Variants in CLEC12B observed in about 807,000 individuals in gnomAD.
The protein encoded by CLEC12B is C-type lectin domain family 12 member B, also known as macrophage antigen h.
CLEC12B carries 25 observed loss-of-function variants against 36.1 expected under a neutral mutation model. That is an observed-to-expected ratio of 0.69 (90% CI 0.50 to 0.97). CLEC12B has a LOEUF of 0.97. Among genes scored for constraint, CLEC12B ranks in the 50% least tolerant of loss-of-function variants. The probability of loss-of-function intolerance (pLI) is 0.00; values close to 1 mark genes in which losing one functional copy is unlikely to be tolerated. For synonymous variants in CLEC12B, 110 were observed against 108.5 expected (o/e 1.01, Z -0.09); for missense variants, 325 against 318.4 (o/e 1.02, Z -0.16).
intron 5 of CLEC12B, chr12:10,016,977 A>G: frequency 5.1e-6 from 5 of 978,500 alleles, no homozygotes; most frequent in Non-Finnish European, 6.0e-6. Context: ...TCTTTAAAGC[A>G]TGTTGTCAAC....
Position 10,013,922 on chromosome 12 carries a change from G to A in CLEC12B, c.191-601G>A, listed in dbSNP as rs569289388. 6.6e-4 allele frequency among the ~76,000 whole-genome samples: 100 copies of A among 152,286 alleles called. No individual in the cohort carries two copies. In the South Asian group the frequency reaches 0.02, roughly 30 times the overall value. On this transcript the variant is annotated intron_variant, in intron 2 of 5. Transcript: ENST00000338896. ...ATTAAGTGAAAATGCAATAACGTAC[G>A]TCCATTGGTTCGATATAGAAGGGTG...
chr12:10,015,368 A>G lies in CLEC12B; in HGVS notation c.526A>G (p.Asn176Asp). ...ANSRKDCIDKNSTLVKIDSLE... is the reference protein window; with the variant it reads ...ANSRKDCIDKDSTLVKIDSLE... Reference sequence around the variant, plus strand: ...CAGTAGAAAGGACTGCATAGACAAGAACTCCACCCTAGTGAAGATAGACAG... The same window carrying G: ...CAGTAGAAAGGACTGCATAGACAAGGACTCCACCCTAGTGAAGATAGACAG... The change falls in exon 4 of 6, where the codon AAC (asparagine) becomes GAC (aspartate). Residue 176 changes from asparagine to aspartate, a missense_variant. Asn to Asp is a conservative substitution (Grantham distance 23, BLOSUM62 1). Coordinates refer to ENST00000338896, the MANE Select transcript of CLEC12B (RefSeq NM_001129998.3). The G allele has an allele frequency of 6.2e-7, 1 of 1,613,440 alleles. No individual in the cohort carries two copies.
At chr12:10,010,032 A>G (rs1865285946), upstream of CLEC12B, among the ~76,000 whole-genome samples, 1 of 152,170 alleles carries the variant, frequency 6.6e-6, no homozygotes, top group African/African-American at 2.4e-5. Context: ...GGATTATCCC[A>G]TGGTTGTTGT....
At chr12:10,006,860 C>T (rs1313859257), upstream of CLEC12B, among the ~76,000 whole-genome samples, 1 of 152,004 alleles carries the variant, frequency 6.6e-6, no homozygotes, top group African/African-American at 2.4e-5. Flanking sequence ...TCGAGACCAT[C>T]CTGGCTAACA....
chr12:10,010,614 C>T, upstream of CLEC12B: 1 of 536,324 alleles, frequency 1.9e-6, no homozygotes, highest in South Asian at 2.2e-5. Flanking sequence ...AATTGTCATT[C>T]TTCTCTTACA....
At chr12:10,015,168 T>A in intron 3 of CLEC12B, 84 bp from the exon 4 acceptor site, 1 of 1,156,010 alleles carries the variant, frequency 8.7e-7, no homozygotes, top group Non-Finnish European at 1.2e-6. Context: ...TCCCTATTGT[T>A]CAATTACATG....
chr12:10,006,673 T>C (rs1434293718), upstream of CLEC12B, among the ~76,000 whole-genome samples: 1 of 152,214 alleles, frequency 6.6e-6, no homozygotes. Flanking sequence ...ATTCTGTTTA[T>C]ACGATGTGTA....
rs1274818768 is a variant in CLEC12B, at chr12:10,015,322, T to C, written c.480T>C (p.Asn160=). Reference sequence around the variant, plus strand: ...ATAGTTGCTACTATTTTACAACAAATGAGGAGAAAACCTGGGCTAACAGTA... The same window carrying C: ...ATAGTTGCTACTATTTTACAACAAACGAGGAGAAAACCTGGGCTAACAGTA... ...YQNSCYYFTT[N]EEKTWANSRK... The change falls in exon 4 of 6, where the codon AAT becomes AAC. Residue 160 remains asparagine (N), a synonymous_variant. Coordinates refer to ENST00000338896, the MANE Select transcript of CLEC12B (RefSeq NM_001129998.3). 6.2e-7 allele frequency: 1 copy of C among 1,613,256 alleles called. No individual in the cohort carries two copies. The highest frequency in any genetic ancestry group is 1.3e-5 in the African/African-American group (1 of 74,848).
At chr12:10,015,824 A>C (rs1591870038) in intron 5 of CLEC12B, 97 bp downstream of exon 5, 1 of 1,583,634 alleles carries the variant, frequency 6.3e-7, no homozygotes, top group East Asian at 2.2e-5. Flanking sequence ...ACATAAAAAG[A>C]GGAGTACAAC....
chr12:10,017,140 A>T (rs1297397959), intron 5 of CLEC12B: 1 of 985,164 alleles, frequency 1.0e-6, no homozygotes, highest in Admixed American at 6.2e-5. Context: ...ATGTTTTGTC[A>T]TGGCTATTTC....
At chr12:10,016,215 C>T (rs1865484315) in intron 5 of CLEC12B, 1 of 154,270 alleles carries the variant, frequency 6.5e-6, no homozygotes, top group Non-Finnish European at 1.4e-5. Flanking sequence ...TACTAAATAA[C>T]TGTCAACCAT....
upstream of CLEC12B, among the ~76,000 whole-genome samples, chr12:10,010,116 T>C (rs117809618): frequency 0.023 from 3,482 of 152,110 alleles, 57 homozygotes; most frequent in Non-Finnish European, 0.036. Flanking sequence ...GCTAAGTAGC[T>C]ATCAGTTTCT....
upstream of CLEC12B, among the ~76,000 whole-genome samples, chr12:10,008,198 TG>T (rs1865253214): frequency 6.6e-6 from 1 of 152,246 alleles, no homozygotes; most frequent in Non-Finnish European, 1.5e-5. Flanking sequence ...GTTAAGTACC[TG>T]AAGTATGACT....
intron 5 of CLEC12B, chr12:10,017,921 A>G (rs771603988): frequency 5.2e-6 from 5 of 962,612 alleles, no homozygotes; most frequent in Non-Finnish European, 3.7e-6. Flanking sequence ...ATATTTGTGC[A>G]TAATAAAATG....
At chr12:10,017,242 G>A (rs1277124390) in intron 5 of CLEC12B, 1 of 985,266 alleles carries the variant, frequency 1.0e-6, no homozygotes, top group South Asian at 4.7e-5. Context: ...ATGACAAAAA[G>A]CACATGCAGA....
At chr12:10,012,914 G>C in intron 2 of CLEC12B, 31 bp downstream of exon 2, 2 of 1,482,396 alleles carry the variant, frequency 1.3e-6, no homozygotes, top group East Asian at 4.5e-5. Flanking sequence ...CCCAACAAAG[G>C]CAACTAGAAA....
intron 2 of CLEC12B, 52 bp from the exon 3 acceptor site, chr12:10,014,469 TAC>T: frequency 8.1e-7 from 1 of 1,235,616 alleles, no homozygotes; most frequent in Non-Finnish European, 1.2e-6. Flanking sequence ...GAGAATTATC[TAC>T]AGTTATAAGA....
rs117149751 is a variant in CLEC12B, at chr12:10,018,552, C to T, written c.*71C>T. On this transcript the variant is annotated 3_prime_UTR_variant, in exon 6 of 6. Transcript: ENST00000338896. The stretch of plus-strand genomic sequence containing the variant: ...GCTCATATGAGGAAAGAGGAAACTA[C>T]GGTACCAGAGCCAAACCAGCTTTTA... 15 of 1,324,148 alleles carry T rather than the reference C, an allele frequency of 1.1e-5. No individual in the cohort carries two copies. Among genetic ancestry groups the T allele is most frequent in the Middle Eastern group, 1.8e-4 (1 of 5,600 alleles). The allele number at this position is 1,324,148 out of a possible 1,614,324, so 82.0% of individuals were successfully genotyped here.
rs1417750118 is a variant in CLEC12B, at chr12:10,012,856, A to AT, written c.165dup (p.Gly56TrpfsTer14). 1 of 1,613,822 alleles carries AT rather than the reference A, an allele frequency of 6.2e-7. No homozygotes were observed. On this transcript the variant is annotated frameshift_variant, in exon 2 of 6. Transcript: ENST00000338896. LOFTEE classifies it high-confidence loss of function. ...GGTAACTCTTTGCCTGATGTTGCTG[A>AT]TTGGGCTGGTGACATTGGGGATGAT...
Sources: allele counts gnomAD v4.1 joint callset (sites outside exome capture counted in the v4.1 genomes callset), GRCh38; gene constraint gnomAD v4.1.1; transcripts MANE v1.5; gene names NCBI Gene and HGNC (gene_info 2026-07-23, HGNC 2026-07-21).